The following NCR2 variants were observed in gnomAD, a reference collection of about 807,000 sequenced individuals.
NCR2 encodes NK cell activating receptor (NKp44).
A neutral mutation model predicts 30.7 loss-of-function variants in NCR2; 35 were observed. The observed-to-expected ratio is 1.14, with a 90% CI of 0.87 to 1.51. NCR2 has a LOEUF of 1.51. NCR2 is among the 40% of genes most tolerant of loss of function. The pLI, the probability that NCR2 is intolerant of heterozygous loss-of-function variation, is 0.00. For synonymous variants in NCR2, 146 were observed against 134.8 expected, an observed-to-expected ratio of 1.08 and a Z score of -0.58; for missense variants, 316 against 328.9, an observed-to-expected ratio of 0.96 and a Z score of 0.30.
Position 41,341,788 on chromosome 6 carries a change from T to A in NCR2, c.395-6T>A. 1.2e-6 allele frequency: 2 copies of A among 1,607,602 alleles called. No individual in the cohort carries two copies. Among genetic ancestry groups the A allele is most frequent in the Non-Finnish European group, 1.7e-6 (2 of 1,177,466 alleles). ...CACTAACCACGCTCTTTCTCCTCCCTGGCAGCCTCTGCCTCCACACAGACC... is the reference window on the plus strand; with the variant it reads ...CACTAACCACGCTCTTTCTCCTCCCAGGCAGCCTCTGCCTCCACACAGACC... On this transcript the variant is annotated splice_region_variant and splice_polypyrimidine_tract_variant and intron_variant, in intron 2 of 4. Transcript: ENST00000373089.
chr6:41,341,975 G>A lies in NCR2; in HGVS notation c.530+46G>A, dbSNP rs767842691. The A allele has an allele frequency of 1.9e-6, 3 of 1,611,808 alleles. No individual in the cohort carries two copies. In the South Asian group the frequency reaches 3.3e-5, roughly 18 times the overall value. ...AGCCACACAGGCCTGGGCGGGGGCTGGCAGATGGAGACTTGCCTCCCCAGC... is the reference window on the plus strand; with the variant it reads ...AGCCACACAGGCCTGGGCGGGGGCTAGCAGATGGAGACTTGCCTCCCCAGC... On this transcript the variant is annotated intron_variant, in intron 3 of 4. Coordinates refer to ENST00000373089, the MANE Select transcript of NCR2 (RefSeq NM_004828.4).
At position 41,345,572 on chromosome 6, in the gene NCR2, C is replaced by T. The variant is rs145112031; in HGVS notation, c.644+3423C>T. On this transcript the variant is annotated intron_variant, in intron 4 of 4. Transcript: ENST00000373089. ...GTGAGATCCCAGGTCTCCACTTGCT[C>T]CTGTAAAGACTCCTGGCCCCCTCCC... 9.8e-3 allele frequency among the ~76,000 whole-genome samples: 1,496 copies of T among 152,128 alleles called. 21 individuals carry two copies. The highest frequency in any genetic ancestry group is 0.031 in the Middle Eastern group (9 of 294).
rs147357473 is a variant in NCR2 at position 41,336,401 on chromosome 6, G to T, written c.367G>T (p.Val123Phe). 1 of 1,613,550 alleles carries T rather than the reference G, an allele frequency of 6.2e-7. No individual in the cohort carries two copies. Among genetic ancestry groups the T allele is most frequent in the Admixed American group, 1.7e-5 (1 of 59,998 alleles). Residue 123 changes from valine (V) to phenylalanine (F), a missense_variant, in exon 2 of 5, where the codon GTC becomes TTC. By Grantham distance (50) the Val-to-Phe change is conservative. Transcript: ENST00000373089. ...RPSDNSVSKS[V>F]RFYLVVSPAS... ...TTCTGACAACTCTGTCTCTAAGTCCGTCAGATTCTATCTGGTGGTATCTCC... is the reference window on the plus strand; with the variant it reads ...TTCTGACAACTCTGTCTCTAAGTCCTTCAGATTCTATCTGGTGGTATCTCC...
Position 41,335,854 on chromosome 6 carries a change from T to A in NCR2, c.-23T>A, listed in dbSNP as rs9394782. On this transcript the variant is annotated 5_prime_UTR_variant, in exon 1 of 5. The change abolishes an upstream ATG in the 5' untranslated region. Transcript: ENST00000373089. ...AGTCTTCTCCAGGTGTCCCCTCCCA[T>A]GAGCGCACAGGAAAAGGACCACATG... The A allele has an allele frequency of 1.3e-6, 2 of 1,559,764 alleles. No individual in the cohort carries two copies. Among genetic ancestry groups the A allele is most frequent in the Admixed American group, 3.9e-5 (2 of 51,712 alleles).
intron 2 of NCR2, among the ~76,000 whole-genome samples, chr6:41,339,950 T>C (rs1212301892): frequency 1.3e-5 from 2 of 152,204 alleles, no homozygotes; most frequent in Non-Finnish European, 2.9e-5. Context: ...TTTTTTTCAG[T>C]GATTTTTGTT....
chr6:41,344,838 G>A (rs143166753), intron 4 of NCR2, among the ~76,000 whole-genome samples: 2 of 152,210 alleles, frequency 1.3e-5, no homozygotes, highest in Admixed American at 1.3e-4. Context: ...TGCGGGCCGC[G>A]GGGTGCTGTG....
At chr6:41,345,904 T>G (rs988153868) in intron 4 of NCR2, among the ~76,000 whole-genome samples, 4 of 152,220 alleles carry the variant, frequency 2.6e-5, no homozygotes, top group African/African-American at 9.6e-5. Flanking sequence ...GGACAATGCT[T>G]TCTCCGCAGT....
At position 41,341,944 on chromosome 6, in the gene NCR2, G is replaced by A. The variant is rs371760520; in HGVS notation, c.530+15G>A. The A allele has an allele frequency of 9.4e-5, 152 of 1,612,632 alleles. No homozygotes were observed. Among genetic ancestry groups the A allele is most frequent in the Admixed American group, 1.2e-4 (7 of 59,952 alleles). On this transcript the variant is annotated intron_variant, in intron 3 of 4. Transcript: ENST00000373089. ...GTCCCTTCACAGTGAGTTTCGGGGT[G>A]CCCGTAGCCACACAGGCCTGGGCGG... is the stretch of plus-strand genomic sequence containing the variant.
At chr6:41,345,738 T>A (rs9381050) in intron 4 of NCR2, among the ~76,000 whole-genome samples, 101,147 of 151,884 alleles carry the variant, frequency 0.67, 34,421 homozygotes, top group East Asian at 0.86. Flanking sequence ...TAAGACCTTG[T>A]AAATCCATGA....
At chr6:41,338,487 T>C (rs1008491873) in intron 2 of NCR2, among the ~76,000 whole-genome samples, 2 of 152,226 alleles carry the variant, frequency 1.3e-5, no homozygotes, top group Non-Finnish European at 2.9e-5. Context: ...GACATTTTCC[T>C]GTCATTGCAA....
Position 41,341,941 on chromosome 6 carries a change from G to T in NCR2, c.530+12G>T. ...CCTGTCCCTTCACAGTGAGTTTCGG[G>T]GTGCCCGTAGCCACACAGGCCTGGG... On this transcript the variant is annotated intron_variant, in intron 3 of 4. Coordinates refer to ENST00000373089, the MANE Select transcript of NCR2 (RefSeq NM_004828.4). 6.2e-7 allele frequency: 1 copy of T among 1,613,204 alleles called. No homozygotes were observed. The highest frequency in any genetic ancestry group is 8.5e-7 in the Non-Finnish European group (1 of 1,179,396).
chr6:41,339,856 A>G (rs6929418), intron 2 of NCR2, among the ~76,000 whole-genome samples: 26,480 of 152,230 alleles, frequency 0.17, 2,747 homozygotes, highest in Non-Finnish European at 0.24. Flanking sequence ...TCTTTGGAAT[A>G]ACTGCAGAAG....
intron 4 of NCR2, among the ~76,000 whole-genome samples, chr6:41,349,393 A>T (rs1454392924): frequency 6.6e-6 from 1 of 151,908 alleles, no homozygotes; most frequent in Non-Finnish European, 1.5e-5. Context: ...CAGAGGTCCT[A>T]CCTCCCTTGG....
chr6:41,350,809 A>G lies in NCR2; in HGVS notation c.776A>G (p.Tyr259Cys), dbSNP rs1376905342. 1 of 1,183,566 alleles carries G rather than the reference A, an allele frequency of 8.4e-7. No individual in the cohort carries two copies. The highest frequency in any genetic ancestry group is 1.3e-6 in the Non-Finnish European group (1 of 786,984). 73.3% of individuals were successfully genotyped at this position (1,183,566 alleles called of 1,614,324 possible). Reference protein sequence around the residue: ...VSSPVEREILYHTVARTKISD... With the variant: ...VSSPVEREILCHTVARTKISD... ...TCACCTGTAGAGAGAGAAATATTATATCACACTGTTGCAAGGACTAAGATA... is the reference window on the plus strand; with the variant it reads ...TCACCTGTAGAGAGAGAAATATTATGTCACACTGTTGCAAGGACTAAGATA... The change falls in exon 5 of 5, where the codon TAT becomes TGT. Residue 259 changes from tyrosine to cysteine, a missense_variant. Tyr to Cys is a radical substitution (Grantham distance 194). Transcript: ENST00000373089.
At chr6:41,343,357 G>A (rs1052643265) in intron 4 of NCR2, among the ~76,000 whole-genome samples, 13 of 152,310 alleles carry the variant, frequency 8.5e-5, no homozygotes, top group African/African-American at 2.6e-4. Flanking sequence ...GCTGACACCT[G>A]TAATACCACC....
chr6:41,341,960 G>A (rs2236370), intron 3 of NCR2, 31 bp downstream of exon 3: 1 of 1,612,320 alleles, frequency 6.2e-7, no homozygotes, highest in African/African-American at 1.3e-5. Flanking sequence ...AGCCACACAG[G>A]CCTGGGCGGG....
At chr6:41,347,738 A>G (rs954969865) in intron 4 of NCR2, among the ~76,000 whole-genome samples, 2 of 152,028 alleles carry the variant, frequency 1.3e-5, no homozygotes, top group African/African-American at 4.8e-5. Context: ...TTTTGGGGGG[A>G]TGGGGGTGTG....
chr6:41,344,190 G>A (rs1561943624), intron 4 of NCR2, among the ~76,000 whole-genome samples: 1 of 152,106 alleles, frequency 6.6e-6, no homozygotes, highest in Non-Finnish European at 1.5e-5. Flanking sequence ...GTCCAGTGTC[G>A]TTACTGGGGT....
intron 2 of NCR2, 146 bp downstream of exon 2, chr6:41,336,574 C>G: frequency 6.2e-6 from 4 of 649,402 alleles, no homozygotes; most frequent in Non-Finnish European, 1.1e-5. Context: ...GCAGGGGGAA[C>G]TCATATGTGC....
Sources: allele counts gnomAD v4.1 joint callset (sites outside exome capture counted in the v4.1 genomes callset), GRCh38; gene constraint gnomAD v4.1.1; transcripts MANE v1.5; gene names NCBI Gene and HGNC (gene_info 2026-07-23, HGNC 2026-07-21).